Variants in UBTF observed in about 807,000 individuals in gnomAD.
The protein encoded by UBTF is nucleolar transcription factor 1.
A neutral mutation model predicts 112.3 loss-of-function variants in UBTF; 8 were observed. The observed-to-expected ratio is 0.07, with a 90% CI of 0.04 to 0.13. The LOEUF (loss-of-function observed/expected upper bound fraction) is 0.13. Ranked by LOEUF, UBTF falls within the 10% of genes least tolerant of loss-of-function variation. The probability of loss-of-function intolerance (pLI) is 1.00; values close to 1 mark genes in which losing one functional copy is unlikely to be tolerated. For synonymous variants in UBTF, 417 were observed against 373.1 expected (o/e 1.12, Z -1.36); for missense variants, 457 against 982.1 (o/e 0.47, Z 7.15).
chr17:44,213,949 C>CT (rs148450231), intron 5 of UBTF, among the ~76,000 whole-genome samples: 1,718 of 152,262 alleles, frequency 0.011, 31 homozygotes, highest in African/African-American at 0.039. Context: ...TTTCCCACCA[C>CT]TTGGCTTCCC....
rs1443263214 is a variant in UBTF at position 44,209,747 on chromosome 17, G to C, written c.1627-14C>G. 3 of 1,613,442 alleles carry C rather than the reference G, an allele frequency of 1.9e-6. No individual in the cohort carries two copies. Among genetic ancestry groups the C allele is most frequent in the Non-Finnish European group, 2.5e-6 (3 of 1,179,672 alleles). ...ACTCAGCTCTCTCTGGAGGGAGAAA[G>C]GTCACGCTCACCCCCCAGTCCCACC... is the stretch of plus-strand genomic sequence containing the variant. On this transcript the variant is annotated splice_polypyrimidine_tract_variant and intron_variant, in intron 15 of 20. Transcript: ENST00000436088.
In UBTF at chr17:44,211,380, A is replaced by C; in HGVS notation, c.1048-49T>G. On this transcript the variant is annotated intron_variant, in intron 10 of 20. Transcript: ENST00000436088. The surrounding 1 kb of genome is among the most constrained non-coding windows in gnomAD (Gnocchi z 4.9). ...ATCAGTCTGGAGACAGTGTCACCACAGACCCTGCAGTACTCGGAGGACAGT... is the reference window on the plus strand; with the variant it reads ...ATCAGTCTGGAGACAGTGTCACCACCGACCCTGCAGTACTCGGAGGACAGT... 2 of 1,609,860 alleles carry C rather than the reference A, an allele frequency of 1.2e-6. No homozygotes were observed. Among genetic ancestry groups the C allele is most frequent in the Non-Finnish European group, 1.7e-6 (2 of 1,177,192 alleles).
At chr17:44,209,610 C>T (rs768677470) in intron 16 of UBTF, 35 bp downstream of exon 16, 28 of 1,613,746 alleles carry the variant, frequency 1.7e-5, no homozygotes, top group Admixed American at 1.2e-4. Flanking sequence ...TGACCCTCCC[C>T]GACCTCCAGG....
At chr17:44,212,560 C>T in intron 7 of UBTF, 106 bp from the exon 8 acceptor site, 1 of 1,051,290 alleles carries the variant, frequency 9.5e-7, no homozygotes, top group Non-Finnish European at 1.4e-6. Context: ...CATGGGAGGT[C>T]ACATCAGTGT....
In UBTF at chr17:44,210,117, T is replaced by C. The variant is rs1055333418; in HGVS notation, c.1626+7A>G. On this transcript the variant is annotated splice_region_variant and intron_variant, in intron 15 of 20. Transcript: ENST00000436088. Reference sequence around the variant, plus strand: ...AATGAATGGGGTGGCCCCAGCCCCATTCCTACCTCATATCGCTTTTGGTCT... The same window carrying C: ...AATGAATGGGGTGGCCCCAGCCCCACTCCTACCTCATATCGCTTTTGGTCT... 16 of 1,613,998 alleles carry C rather than the reference T, an allele frequency of 9.9e-6. No homozygotes were observed. The highest frequency in any genetic ancestry group is 1.7e-5 in the Admixed American group (1 of 60,016).
chr17:44,218,972 A>G (rs1598274494), intron 1 of UBTF: 1 of 67,752 alleles, frequency 1.5e-5, no homozygotes, highest in Non-Finnish European at 2.8e-5. Context: ...CACCCCGGCC[A>G]GAGGCGCCGC....
Position 44,209,503 on chromosome 17 carries a change from T to C in UBTF, c.1754A>G (p.Asn585Ser), listed in dbSNP as rs780144218. 5.6e-6 allele frequency: 9 copies of C among 1,613,306 alleles called. No homozygotes were observed. Among genetic ancestry groups the C allele is most frequent in the Non-Finnish European group, 7.6e-6 (9 of 1,179,328 alleles). ...YQKFSQELLS[N>S]GELNHLPLKE... ...CAGCGGCAGGTGGTTCAGCTCCCCA[T>C]TGGACAGCAGCTCCTGGGAGAACTT... is the stretch of plus-strand genomic sequence containing the variant. The change falls in exon 17 of 21, where the codon AAT (asparagine) becomes AGT (serine). Residue 585 changes from asparagine (N) to serine (S), a missense_variant. Transcript: ENST00000436088.
chr17:44,220,552 C>T (rs1017905875), upstream of UBTF, among the ~76,000 whole-genome samples: 15 of 151,882 alleles, frequency 9.9e-5, no homozygotes, highest in Non-Finnish European at 2.1e-4. Context: ...AAAAAAAAAT[C>T]CCCGTTGCTC....
intron 17 of UBTF, 171 bp downstream of exon 17, chr17:44,209,181 A>G: frequency 1.5e-6 from 1 of 682,378 alleles, no homozygotes; most frequent in Non-Finnish European, 2.2e-6. Context: ...AATAAAAAAA[A>G]AAATAAAAAT....
chr17:44,214,799 GCTT>G (rs1336896700), intron 5 of UBTF, among the ~76,000 whole-genome samples: 1 of 152,178 alleles, frequency 6.6e-6, no homozygotes, highest in Non-Finnish European at 1.5e-5. Flanking sequence ...AAGCAGATGT[GCTT>G]CTTGTCTTTC....
chr17:44,215,532 C>T, intron 5 of UBTF, 122 bp downstream of exon 5: 1 of 1,269,204 alleles, frequency 7.9e-7, no homozygotes, highest in Non-Finnish European at 1.1e-6. Flanking sequence ...ACCTATTCTG[C>T]TGTGCTGACT....
Position 44,210,786 on chromosome 17 carries a change from C to G in UBTF, c.1359+6G>C, listed in dbSNP as rs757656140. 1 of 1,559,942 alleles carries G rather than the reference C, an allele frequency of 6.4e-7. No homozygotes were observed. The highest frequency in any genetic ancestry group is 1.4e-5 in the African/African-American group (1 of 73,558). On this transcript the variant is annotated splice_donor_region_variant and intron_variant, in intron 13 of 20. Transcript: ENST00000436088. ...GGGGGCACAGCGCTCCGCCAGGCAG[C>G]CTGACCTTCTTCTTCTCAGACAGGT...
upstream of UBTF, among the ~76,000 whole-genome samples, chr17:44,220,085 AGG>A (rs372844914): frequency 0.037 from 2,638 of 71,456 alleles, 28 homozygotes; most frequent in Middle Eastern, 0.058. Flanking sequence ...CCGCCGGGGA[AGG>A]GGGGGGGGGC....
chr17:44,208,371 C>T (rs2056414524), intron 17 of UBTF, among the ~76,000 whole-genome samples: 1 of 152,178 alleles, frequency 6.6e-6, no homozygotes, highest in Non-Finnish European at 1.5e-5. Flanking sequence ...TCCCAAAGTG[C>T]TAGGATTACA....
rs1598205657 is a variant in UBTF, at chr17:44,205,888, G to A, written c.*1354C>T. Reference sequence around the variant, plus strand: ...AAAATACGGGAGATGGCTGGGAAGAGTTAGAGACAGCTGCAGATGCAGCTT... The same window carrying A: ...AAAATACGGGAGATGGCTGGGAAGAATTAGAGACAGCTGCAGATGCAGCTT... On this transcript the variant is annotated 3_prime_UTR_variant, in exon 21 of 21. Transcript: ENST00000436088. The A allele has an allele frequency of 3.3e-5, 5 of 152,128 alleles. No homozygotes were observed. In the South Asian group the frequency reaches 1.0e-3, roughly 32 times the overall value. 9.4% of individuals were successfully genotyped at this position (152,128 alleles called of 1,614,324 possible).
chr17:44,220,547 A>AG (rs1212147773), upstream of UBTF, among the ~76,000 whole-genome samples: 1 of 152,024 alleles, frequency 6.6e-6, no homozygotes. Flanking sequence ...TTAAAAAAAA[A>AG]AAATCCCCGT....
intron 5 of UBTF, 139 bp from the exon 6 acceptor site, chr17:44,213,421 G>A (rs971587080): frequency 1.9e-5 from 17 of 917,106 alleles, no homozygotes; most frequent in East Asian, 8.1e-5. Flanking sequence ...CGCCCTGCCC[G>A]CCTCCTGGCG....
intron 1 of UBTF, among the ~76,000 whole-genome samples, chr17:44,218,770 G>A (rs1471193870): frequency 2.1e-5 from 3 of 146,066 alleles, no homozygotes; most frequent in African/African-American, 7.7e-5. Context: ...CCCCGCCTCC[G>A]CAACCCGGCG....
chr17:44,212,038 T>C, intron 8 of UBTF, 32 bp from the exon 9 acceptor site: 2 of 1,400,774 alleles, frequency 1.4e-6, no homozygotes, highest in Middle Eastern at 1.9e-4. Context: ...CGGAGGGCAA[T>C]GGGGTGTGGA....
Sources: gnomAD v4.1 joint callset for allele counts (sites outside exome capture counted in the v4.1 genomes callset) on GRCh38, gnomAD v4.1.1 for gene constraint, Gnocchi (gnomAD v3.1) non-coding constraint, MANE v1.5 for transcripts, NCBI Gene and HGNC (gene_info 2026-07-23, HGNC 2026-07-21) for gene names.